The following SNTG2 variants were observed in gnomAD, a reference collection of about 807,000 sequenced individuals.
SNTG2 encodes the protein syntrophin gamma 2.
SNTG2 carries 74 observed loss-of-function variants against 70.9 expected under a neutral mutation model. That is an observed-to-expected ratio of 1.04 (90% CI 0.86 to 1.27). The LOEUF (loss-of-function observed/expected upper bound fraction) is 1.27, where lower values mean the gene tolerates loss of function less well. SNTG2 is among the 50% of genes most tolerant of loss of function. SNTG2 has a pLI of 0.00. For synonymous variants in SNTG2, 278 were observed against 273.8 expected, an observed-to-expected ratio of 1.02 and a Z score of -0.15; for missense variants, 717 against 690.7, an observed-to-expected ratio of 1.04 and a Z score of -0.43.
At chr2:1,125,256 T>C (rs1192772726) in intron 4 of SNTG2, among the ~76,000 whole-genome samples, 1 of 152,206 alleles carries the variant, frequency 6.6e-6, no homozygotes, top group Non-Finnish European at 1.5e-5. Context: ...ATTTCTTGCA[T>C]AGCATATTTA....
chr2:1,278,336 G>A (rs1041603558), intron 14 of SNTG2, among the ~76,000 whole-genome samples: 1 of 152,032 alleles, frequency 6.6e-6, no homozygotes, highest in Non-Finnish European at 1.5e-5. Flanking sequence ...TGGAGGGTAC[G>A]AGGTGCTAAT....
At chr2:967,151 G>A (rs995819285) in intron 1 of SNTG2, among the ~76,000 whole-genome samples, 1 of 152,172 alleles carries the variant, frequency 6.6e-6, no homozygotes, top group African/African-American at 2.4e-5. Context: ...ACCAGGGACA[G>A]GAGTGCAGAC....
intron 11 of SNTG2, chr2:1,242,863 C>A (rs1305211163): frequency 3.9e-5 from 6 of 152,120 alleles, no homozygotes; most frequent in Non-Finnish European, 5.9e-5. Context: ...AAATATATTT[C>A]TTTATTATAA....
At chr2:1,212,337 T>C (rs1674102078) in intron 9 of SNTG2, among the ~76,000 whole-genome samples, 1 of 152,198 alleles carries the variant, frequency 6.6e-6, no homozygotes, top group Non-Finnish European at 1.5e-5. Context: ...TCCACCATGA[T>C]TGGAAGTTTC....
intron 1 of SNTG2, among the ~76,000 whole-genome samples, chr2:1,007,556 A>G (rs62104283): frequency 4.6e-5 from 7 of 152,250 alleles, no homozygotes; most frequent in Admixed American, 3.3e-4. Context: ...ACCACAAGGC[A>G]TAGTAGACAA....
intron 7 of SNTG2, among the ~76,000 whole-genome samples, chr2:1,168,422 C>T (rs1286024159): frequency 6.6e-6 from 1 of 152,192 alleles, no homozygotes; most frequent in African/African-American, 2.4e-5. Flanking sequence ...GGGGTCAGAG[C>T]CCCAAAGCCG....
chr2:1,213,915 T>TTTGAG (rs59508834), intron 9 of SNTG2, among the ~76,000 whole-genome samples: 27,462 of 152,048 alleles, frequency 0.18, 4,896 homozygotes, highest in African/African-American at 0.47. Flanking sequence ...CTTAATCCAT[T>TTTGAG]TTGATTTTTG....
intron 9 of SNTG2, among the ~76,000 whole-genome samples, chr2:1,236,079 C>G (rs1406577192): frequency 2.0e-5 from 3 of 152,124 alleles, no homozygotes; most frequent in Non-Finnish European, 4.4e-5. Flanking sequence ...TTATTAACCA[C>G]TAGATTAAGG....
At position 1,230,433 on chromosome 2, in the gene SNTG2, G is replaced by A. The variant is rs901677983; in HGVS notation, c.720-7455G>A. On this transcript the variant is annotated intron_variant, in intron 9 of 16. Coordinates refer to ENST00000308624, the MANE Select transcript of SNTG2 (RefSeq NM_018968.4). ...AGAAGATTTCGGGACAGTTCTGTGA[G>A]TGATGCCTTCACCTGGATGAAAAGC... Among the ~76,000 whole-genome samples the A allele has an allele frequency of 1.2e-4, 18 of 152,196 alleles. 1 individual carries two copies. The highest frequency in any genetic ancestry group is 2.9e-5 in the Non-Finnish European group (2 of 68,038).
intron 1 of SNTG2, among the ~76,000 whole-genome samples, chr2:1,042,547 A>T (rs1442962673): frequency 6.6e-6 from 1 of 152,070 alleles, no homozygotes; most frequent in Non-Finnish European, 1.5e-5. Context: ...AGTAAGACCC[A>T]TGTCTGTTGT....
intron 8 of SNTG2, among the ~76,000 whole-genome samples, chr2:1,189,175 AAT>A (rs1447153751): frequency 2.0e-5 from 3 of 152,198 alleles, no homozygotes; most frequent in African/African-American, 7.2e-5. Context: ...GCGTAATAAA[AAT>A]ATGTTAAAAT....
chr2:1,140,513 C>T (rs1262450984), intron 6 of SNTG2, among the ~76,000 whole-genome samples: 3 of 152,196 alleles, frequency 2.0e-5, no homozygotes, highest in East Asian at 1.9e-4. Flanking sequence ...CGGTTCCTCT[C>T]GTACCTGTAC....
At position 1,056,871 on chromosome 2, in the gene SNTG2, C is replaced by G. The variant is rs1428058713; in HGVS notation, c.73-26647C>G. 9.9e-4 allele frequency among the ~76,000 whole-genome samples: 90 copies of G among 90,544 alleles called. 3 individuals are homozygous for G. Among genetic ancestry groups the G allele is most frequent in the South Asian group, 2.2e-3 (5 of 2,324 alleles). 59.4% of individuals were successfully genotyped at this position (90,544 alleles called of 152,430 possible). A position where few individuals can be genotyped will look rare whatever the true frequency, so the allele number is the denominator to read the frequency against. On this transcript the variant is annotated intron_variant, in intron 1 of 16. Transcript: ENST00000308624. ...GGGGAGGGAGAGAGGGAGAGCACGGCGCCCCGCTGTGCTGTGGGGAGGGAG... is the reference window on the plus strand; with the variant it reads ...GGGGAGGGAGAGAGGGAGAGCACGGGGCCCCGCTGTGCTGTGGGGAGGGAG...
intron 16 of SNTG2, among the ~76,000 whole-genome samples, chr2:1,351,357 A>G (rs1034655076): frequency 6.6e-6 from 1 of 152,182 alleles, no homozygotes; most frequent in Non-Finnish European, 1.5e-5. Flanking sequence ...TGCTGAGGGT[A>G]TAAATAACAT....
chr2:1,255,155 G>A (rs1341348237), intron 12 of SNTG2, among the ~76,000 whole-genome samples: 1 of 152,162 alleles, frequency 6.6e-6, no homozygotes, highest in East Asian at 1.9e-4. Context: ...GGAAGCCATG[G>A]CGTGGAGCCA....
At chr2:962,340 G>A (rs1660378672) in intron 1 of SNTG2, among the ~76,000 whole-genome samples, 1 of 152,206 alleles carries the variant, frequency 6.6e-6, no homozygotes, top group Non-Finnish European at 1.5e-5. Flanking sequence ...CCAAAGTGCT[G>A]AGATTGTAGG....
At chr2:1,176,157 T>C (rs1202585453) in intron 8 of SNTG2, among the ~76,000 whole-genome samples, 1 of 152,230 alleles carries the variant, frequency 6.6e-6, no homozygotes, top group Admixed American at 6.5e-5. Context: ...TTTGTAGTTA[T>C]TCATATGGTT....
intron 1 of SNTG2, among the ~76,000 whole-genome samples, chr2:993,125 G>C (rs1466120694): frequency 6.9e-6 from 1 of 144,896 alleles, no homozygotes; most frequent in Non-Finnish European, 1.5e-5. Context: ...TGCACATTGT[G>C]CAGGTTAGTT....
intron 4 of SNTG2, among the ~76,000 whole-genome samples, chr2:1,105,629 C>T (rs1666068733): frequency 6.6e-6 from 1 of 152,204 alleles, no homozygotes; most frequent in Non-Finnish European, 1.5e-5. Context: ...TTGGATTTCT[C>T]TGAGCATGGT....
Sources: gnomAD v4.1 joint callset for allele counts (sites outside exome capture counted in the v4.1 genomes callset) on GRCh38, gnomAD v4.1.1 for gene constraint, MANE v1.5 for transcripts, NCBI Gene and HGNC (gene_info 2026-07-23, HGNC 2026-07-21) for gene names.